Variants in KANSL1L observed in about 807,000 individuals in gnomAD.
KANSL1L encodes KAT8 regulatory NSL complex subunit 1 like.
Under a neutral mutation model 108.6 loss-of-function variants are expected in KANSL1L, and 25 were observed. That is an observed-to-expected ratio of 0.23 (90% CI 0.17 to 0.32). The LOEUF is 0.32. Ranked by LOEUF, KANSL1L falls within the 10% of genes least tolerant of loss-of-function variation. KANSL1L has a pLI of 1.00. For missense variants in KANSL1L, 1,137 were observed against 1,125.7 expected (o/e 1.01, Z -0.14); for synonymous variants, 405 against 395.1 (o/e 1.03, Z -0.30).
At chr2:210,097,716 T>C (rs1196394586) in intron 5 of KANSL1L, 2 of 153,576 alleles carry the variant, frequency 1.3e-5, no homozygotes, top group African/African-American at 2.4e-5. Context: ...CTAAACTATA[T>C]CTAGGGTCTT....
intron 6 of KANSL1L, among the ~76,000 whole-genome samples, chr2:210,045,231 C>T (rs1197615762): frequency 1.3e-5 from 2 of 152,064 alleles, no homozygotes; most frequent in East Asian, 3.8e-4. Context: ...TCCTACTTTG[C>T]TTTAAGATTA....
intron 6 of KANSL1L, among the ~76,000 whole-genome samples, chr2:210,055,084 T>C (rs374605542): frequency 1.9e-4 from 29 of 152,264 alleles, no homozygotes; most frequent in African/African-American, 5.8e-4. Flanking sequence ...AGGGACCCAG[T>C]GGGAGGTAAT....
chr2:210,036,802 C>G (rs2094108920), intron 8 of KANSL1L, among the ~76,000 whole-genome samples: 1 of 152,036 alleles, frequency 6.6e-6, no homozygotes, highest in Non-Finnish European at 1.5e-5. Flanking sequence ...TGTCACCCAC[C>G]CTGAGGTGCA....
At chr2:210,076,649 G>C (rs577293882) in intron 5 of KANSL1L, among the ~76,000 whole-genome samples, 11 of 151,698 alleles carry the variant, frequency 7.3e-5, no homozygotes, top group Non-Finnish European at 1.5e-4. Context: ...CACATGAAAA[G>C]AGCATAATTT....
intron 7 of KANSL1L, 32 bp downstream of exon 7, chr2:210,043,907 C>T (rs373532329): frequency 4.0e-5 from 56 of 1,412,690 alleles, no homozygotes; most frequent in Middle Eastern, 1.8e-4. Context: ...CAGAAAATAT[C>T]GTTACTTAGA....
rs532749124 is a variant in KANSL1L, at chr2:210,034,914, C to A, written c.2030-3368G>T. ...TTTCTGTATACCCTTTTCTGAAATC[C>A]CCCAAATGTTAACATCGTATCACAT... is the stretch of plus-strand genomic sequence containing the variant. On this transcript the variant is annotated intron_variant, in intron 8 of 14. Transcript: ENST00000281772. Among the ~76,000 whole-genome samples the A allele has an allele frequency of 3.9e-5, 6 of 152,218 alleles. No homozygotes were observed. The South Asian group carries it at 1.2e-3, about 32-fold the overall frequency.
intron 2 of KANSL1L, among the ~76,000 whole-genome samples, chr2:210,141,160 CTCTGTTT>C (rs1020057540): frequency 4.8e-5 from 4 of 84,186 alleles, no homozygotes; most frequent in Non-Finnish European, 1.1e-4. Flanking sequence ...CCCCACTCCT[CTCTGTTT>C]TCTTTCTTTT....
In KANSL1L at chr2:210,046,419, C is replaced by G. The variant is rs954960201; in HGVS notation, c.1756-2315G>C. Among the ~76,000 whole-genome samples the G allele has an allele frequency of 2.6e-5, 4 of 152,150 alleles. No homozygotes were observed. In the South Asian group the frequency reaches 8.3e-4, roughly 31 times the overall value. On this transcript the variant is annotated intron_variant, in intron 6 of 14. Coordinates refer to ENST00000281772, the MANE Select transcript of KANSL1L (RefSeq NM_152519.4). ...TGAGACTCAAGGTGTACAATTCATC[C>G]TGAGGCTGTGAACCTCTAAAACCAA...
intron 7 of KANSL1L, 80 bp from the exon 8 acceptor site, chr2:210,040,607 GCTTT>G: frequency 9.8e-6 from 6 of 611,746 alleles, no homozygotes; most frequent in Non-Finnish European, 1.4e-5. Flanking sequence ...CATTAAAATT[GCTTT>G]CTTTCTATAA....
chr2:210,129,295 A>G, intron 2 of KANSL1L, 123 bp from the exon 3 acceptor site: 1 of 752,386 alleles, frequency 1.3e-6, no homozygotes, highest in Non-Finnish European at 2.1e-6. Context: ...ATGTAATTAC[A>G]GGAAGAGAGA....
chr2:210,100,746 T>C (rs2094786040), intron 4 of KANSL1L, among the ~76,000 whole-genome samples: 1 of 152,160 alleles, frequency 6.6e-6, no homozygotes, highest in Admixed American at 6.5e-5. Flanking sequence ...CAAGTGATCC[T>C]TCCACCTCAG....
intron 6 of KANSL1L, among the ~76,000 whole-genome samples, chr2:210,052,625 T>C (rs866397321): frequency 6.6e-6 from 1 of 152,328 alleles, no homozygotes; most frequent in Middle Eastern, 3.4e-3. Context: ...GAATTTTCTA[T>C]CTCCTTACTT....
At chr2:210,105,742 T>C (rs988025602) in intron 3 of KANSL1L, among the ~76,000 whole-genome samples, 6 of 152,228 alleles carry the variant, frequency 3.9e-5, no homozygotes, top group Non-Finnish European at 8.8e-5. Flanking sequence ...AATGCGCTTT[T>C]TAAAAAAATC....
Position 210,080,179 on chromosome 2 carries a change from T to TA in KANSL1L, c.1551-4424dup, listed in dbSNP as rs1356854729. 4 of 147,558 alleles carry TA rather than the reference T, an allele frequency of 2.7e-5. No homozygotes were observed. The Admixed American group carries it at 2.7e-4, about 10-fold the overall frequency. The allele number at this position is 147,558 out of a possible 1,614,324, so 9.1% of individuals were successfully genotyped here. ...CACACACACACACACACACACTGCT[T>TA]AAAATCTTCCAACATCCTCCCATTG... On this transcript the variant is annotated intron_variant, in intron 5 of 14. Coordinates refer to ENST00000281772, the MANE Select transcript of KANSL1L (RefSeq NM_152519.4).
intron 4 of KANSL1L, among the ~76,000 whole-genome samples, chr2:210,100,796 G>A (rs1400752700): frequency 6.6e-6 from 1 of 151,974 alleles, no homozygotes; most frequent in African/African-American, 2.4e-5. Flanking sequence ...TGCCACCAAG[G>A]CCAGCTACTT....
intron 6 of KANSL1L, among the ~76,000 whole-genome samples, chr2:210,068,097 C>CAA (rs1029917871): frequency 3.9e-5 from 6 of 152,074 alleles, no homozygotes; most frequent in African/African-American, 1.4e-4. Flanking sequence ...AGGCTGGTCT[C>CAA]AAACTCCTGA....
intron 3 of KANSL1L, among the ~76,000 whole-genome samples, chr2:210,124,874 A>G (rs2125523485): frequency 6.6e-6 from 1 of 152,316 alleles, no homozygotes; most frequent in South Asian, 2.1e-4. Context: ...TATTAATAAT[A>G]CTATACCAAC....
At position 210,171,326 on chromosome 2, in the gene KANSL1L, GCCGCCGCCGCCGC is replaced by G. The variant is rs1688326686; in HGVS notation, c.-220_-208del. ...CGCCGCCGCCGCCGCCGCCGCCGCC[GCCGCCGCCGCCGC>G]CGCGGTTTAACAGTCCGCCCGCTGC... On this transcript the variant is annotated 5_prime_UTR_variant, in exon 1 of 15. Coordinates refer to ENST00000281772, the MANE Select transcript of KANSL1L (RefSeq NM_152519.4). The G allele has an allele frequency of 4.2e-5, 7 of 167,710 alleles. No homozygotes were observed. The highest frequency in any genetic ancestry group is 1.5e-4 in the African/African-American group (6 of 40,138). The allele number at this position is 167,710 out of a possible 1,614,324, so 10.4% of individuals were successfully genotyped here. A position where few individuals can be genotyped will look rare whatever the true frequency, so the allele number is the denominator to read the frequency against.
rs2094207666 is a variant in KANSL1L at position 210,044,901 on chromosome 2, C to G, written c.1756-797G>C. ...TCTCCTGCCTCAGCCTCCTGAGTAACTGGGATTACAGGCACGTGCCACTGC... is the reference window on the plus strand; with the variant it reads ...TCTCCTGCCTCAGCCTCCTGAGTAAGTGGGATTACAGGCACGTGCCACTGC... On this transcript the variant is annotated intron_variant, in intron 6 of 14. Transcript: ENST00000281772. This position sits in a 1 kb window ranked among gnomAD's most constrained non-coding sequence, Gnocchi z 4.2. Among the ~76,000 whole-genome samples the G allele has an allele frequency of 6.6e-6, 1 of 152,224 alleles. No individual in the cohort carries two copies. The highest frequency in any genetic ancestry group is 2.1e-4 in the South Asian group (1 of 4,820).
Sources: gnomAD v4.1 joint callset for allele counts (sites outside exome capture counted in the v4.1 genomes callset) on GRCh38, gnomAD v4.1.1 for gene constraint, Gnocchi (gnomAD v3.1) non-coding constraint, MANE v1.5 for transcripts, NCBI Gene and HGNC (gene_info 2026-07-23, HGNC 2026-07-21) for gene names.